The following EPB41L5 variants were observed in gnomAD, a reference collection of about 807,000 sequenced individuals.
The protein encoded by EPB41L5 is band 4.1-like protein 5.
EPB41L5 carries 55 observed loss-of-function variants against 106.6 expected under a neutral mutation model. The observed-to-expected ratio is 0.52, with a 90% confidence interval of 0.42 to 0.65. The LOEUF (loss-of-function observed/expected upper bound fraction) is 0.65, where lower values mean the gene tolerates loss of function less well. Among genes scored for constraint, EPB41L5 ranks in the 30% least tolerant of loss-of-function variants. EPB41L5 has a pLI of 0.00. For missense variants in EPB41L5, 871 were observed against 882.1 expected (o/e 0.99, Z 0.16); for synonymous variants, 297 against 306.7 (o/e 0.97, Z 0.33).
At chr2:120,105,254 T>C in intron 16 of EPB41L5, 1 of 982,148 alleles carries the variant, frequency 1.0e-6, no homozygotes, top group Non-Finnish European at 1.2e-6. Context: ...AAGCATTTCT[T>C]CTGTCTTTTT....
chr2:120,146,379 ATGTC>A (rs1320286856), intron 20 of EPB41L5, 90 bp downstream of exon 20: 2 of 916,742 alleles, frequency 2.2e-6, no homozygotes, highest in South Asian at 1.5e-5. Context: ...TGGTTTCAGG[ATGTC>A]TGTCTGAAAG....
chr2:120,072,037 A>C (rs1458347357), intron 3 of EPB41L5, among the ~76,000 whole-genome samples: 2 of 152,242 alleles, frequency 1.3e-5, no homozygotes, highest in Non-Finnish European at 2.9e-5. Context: ...CAATGTATCC[A>C]TCTGGCAAAG....
At chr2:120,109,865 C>T (rs1218270059) in intron 16 of EPB41L5, among the ~76,000 whole-genome samples, 1 of 152,188 alleles carries the variant, frequency 6.6e-6, no homozygotes, top group Non-Finnish European at 1.5e-5. Flanking sequence ...AACATTGTCC[C>T]TGACACAGAG....
chr2:120,068,773 A>G (rs1377997658), intron 3 of EPB41L5, among the ~76,000 whole-genome samples: 1 of 151,996 alleles, frequency 6.6e-6, no homozygotes, highest in African/African-American at 2.4e-5. Flanking sequence ...ACAAAGACAC[A>G]CGCAGGCTCA....
At chr2:120,114,799 G>T (rs886216675) in intron 16 of EPB41L5, among the ~76,000 whole-genome samples, 1 of 152,166 alleles carries the variant, frequency 6.6e-6, no homozygotes, top group Non-Finnish European at 1.5e-5. Flanking sequence ...TGCCTGTTCA[G>T]TCTTTGGTTT....
intron 10 of EPB41L5, among the ~76,000 whole-genome samples, chr2:120,085,383 C>T (rs578010276): frequency 7.9e-5 from 12 of 152,336 alleles, no homozygotes; most frequent in Admixed American, 2.0e-4. Context: ...ACTCCAGACC[C>T]TGTTTGCCTG....
chr2:120,044,130 A>G (rs1679610589), intron 3 of EPB41L5, among the ~76,000 whole-genome samples: 1 of 149,256 alleles, frequency 6.7e-6, no homozygotes, highest in Admixed American at 6.8e-5. Flanking sequence ...ACAGAGCAAG[A>G]CCCTGTCTCT....
chr2:120,130,120 T>C (rs999121611), intron 17 of EPB41L5, among the ~76,000 whole-genome samples: 4 of 121,602 alleles, frequency 3.3e-5, no homozygotes, highest in Non-Finnish European at 4.9e-5. Flanking sequence ...TACTCCAGCC[T>C]GGGCAAGAGT....
At chr2:120,073,786 A>T (rs190664254) in intron 4 of EPB41L5, among the ~76,000 whole-genome samples, 15 of 152,292 alleles carry the variant, frequency 9.8e-5, no homozygotes, top group Admixed American at 5.2e-4. Flanking sequence ...GCAGTTAATA[A>T]CATAGGCATT....
At chr2:120,167,169 G>A (rs1465856561) in intron 22 of EPB41L5, among the ~76,000 whole-genome samples, 4 of 152,196 alleles carry the variant, frequency 2.6e-5, no homozygotes, top group Non-Finnish European at 5.9e-5. Context: ...CTGGGTGTGA[G>A]GTAGGGGCAG....
chr2:120,060,350 A>G (rs1043016623), intron 3 of EPB41L5, among the ~76,000 whole-genome samples: 50 of 152,188 alleles, frequency 3.3e-4, no homozygotes, highest in African/African-American at 9.2e-4. Context: ...GTAGCAAAAA[A>G]CTTGAAACAA....
intron 20 of EPB41L5, among the ~76,000 whole-genome samples, chr2:120,151,532 A>T (rs1212387830): frequency 6.6e-6 from 1 of 151,888 alleles, no homozygotes; most frequent in East Asian, 1.9e-4. Context: ...AAACTACAAA[A>T]CACCACTGAC....
chr2:120,073,155 A>G, intron 3 of EPB41L5, 23 bp from the exon 4 acceptor site: 1 of 1,598,874 alleles, frequency 6.3e-7, no homozygotes, highest in South Asian at 1.1e-5. Context: ...CTGCTTAACT[A>G]AATTTTTGTT....
At chr2:120,013,605 G>T (rs1029360781) in intron 1 of EPB41L5, 8 of 152,228 alleles carry the variant, frequency 5.3e-5, no homozygotes, top group Non-Finnish European at 8.8e-5. Context: ...AACTGAGTTT[G>T]TGTCACTGTC....
At chr2:120,053,632 T>C (rs1344516077) in intron 3 of EPB41L5, among the ~76,000 whole-genome samples, 1 of 152,252 alleles carries the variant, frequency 6.6e-6, no homozygotes, top group African/African-American at 2.4e-5. Context: ...GTTTTCATGG[T>C]TCATCCGTGT....
chr2:120,119,107 T>TA (rs1309130706), intron 16 of EPB41L5, among the ~76,000 whole-genome samples: 6 of 152,194 alleles, frequency 3.9e-5, no homozygotes, highest in Admixed American at 1.3e-4. Flanking sequence ...ATTTTTTTTT[T>TA]ATGTTTGTTG....
In EPB41L5 at chr2:120,176,764, C is replaced by T. The variant is rs764536047; in HGVS notation, c.*1857C>T. 5 of 152,142 alleles carry T rather than the reference C, an allele frequency of 3.3e-5. No individual in the cohort carries two copies. In the East Asian group the frequency reaches 5.8e-4, roughly 18 times the overall value. 9.4% of individuals were successfully genotyped at this position (152,142 alleles called of 1,614,324 possible). The stretch of plus-strand genomic sequence containing the variant: ...AACCGTAGATGTCCTACAGGGTTAC[C>T]GTTGTGCTGCTCACCACAGAGCAGC... On this transcript the variant is annotated 3_prime_UTR_variant, in exon 25 of 25. Transcript: ENST00000263713.
At chr2:120,093,149 A>G in intron 13 of EPB41L5, 100 bp from the exon 14 acceptor site, 3 of 963,032 alleles carry the variant, frequency 3.1e-6, no homozygotes, top group Non-Finnish European at 5.0e-6. Flanking sequence ...GTTGTGAAAC[A>G]TGGCTTGTAA....
chr2:120,022,337 C>G (rs950729673), intron 2 of EPB41L5, among the ~76,000 whole-genome samples: 1 of 151,942 alleles, frequency 6.6e-6, no homozygotes, highest in African/African-American at 2.4e-5. Context: ...TCCCCTAACC[C>G]CCCACCCCCC....
Sources: allele counts gnomAD v4.1 joint callset (sites outside exome capture counted in the v4.1 genomes callset), GRCh38; gene constraint gnomAD v4.1.1; transcripts MANE v1.5; gene names NCBI Gene and HGNC (gene_info 2026-07-23, HGNC 2026-07-21).